Variants in CDH4 observed in about 807,000 individuals in gnomAD.
CDH4 encodes the protein cadherin 4, also known as cadherin-4.
In CDH4, 33 loss-of-function variants were observed where a neutral mutation model predicts 86.0. The ratio of observed to expected loss-of-function variants is 0.38; its 90% CI spans 0.29 to 0.51. The LOEUF (loss-of-function observed/expected upper bound fraction) is 0.51. Among genes scored for constraint, CDH4 ranks in the 20% least tolerant of loss-of-function variants. CDH4 has a pLI of 0.86. For synonymous variants in CDH4, 555 were observed against 549.4 expected, an observed-to-expected ratio of 1.01 and a Z score of -0.14; for missense variants, 1,114 against 1,307.4, an observed-to-expected ratio of 0.85 and a Z score of 2.28.
chr20:61,805,269 T>A (rs965575384), intron 4 of CDH4, among the ~76,000 whole-genome samples: 1 of 152,062 alleles, frequency 6.6e-6, no homozygotes, highest in African/African-American at 2.4e-5. Context: ...TCCCTAAGGA[T>A]CCCTGGGGTG....
chr20:61,573,089 G>T (rs2086356676), intron 2 of CDH4, among the ~76,000 whole-genome samples: 7 of 152,170 alleles, frequency 4.6e-5, no homozygotes, highest in Admixed American at 3.9e-4. Flanking sequence ...TGGATGGATG[G>T]TTGGACGGAT....
intron 2 of CDH4, among the ~76,000 whole-genome samples, chr20:61,303,043 A>G (rs1022896458): frequency 1.3e-5 from 2 of 152,144 alleles, no homozygotes; most frequent in Admixed American, 6.5e-5. Context: ...TGGCCCAGGG[A>G]AACCCATATC....
At chr20:61,711,154 C>T (rs67841147) in intron 2 of CDH4, among the ~76,000 whole-genome samples, 5 of 152,188 alleles carry the variant, frequency 3.3e-5, no homozygotes, top group South Asian at 4.1e-4. Context: ...ATATTGAGTG[C>T]GTTCTCATGA....
chr20:61,688,559 C>T (rs572457478), intron 2 of CDH4, among the ~76,000 whole-genome samples: 67 of 152,318 alleles, frequency 4.4e-4, no homozygotes, highest in Admixed American at 3.1e-3. Context: ...GGCCGCCTTC[C>T]GGAAGCACTG....
chr20:61,425,130 G>A (rs1008357347), intron 2 of CDH4, among the ~76,000 whole-genome samples: 3 of 152,182 alleles, frequency 2.0e-5, no homozygotes. Flanking sequence ...GTGTGGCTCC[G>A]CGAGCGCCTT....
chr20:61,755,194 C>G (rs1460864807), intron 3 of CDH4: 1 of 151,734 alleles, frequency 6.6e-6, no homozygotes, highest in African/African-American at 2.4e-5. Flanking sequence ...CTGGGTTCCT[C>G]CCACAACACG....
At chr20:61,869,335 C>G (rs1166052660) in intron 6 of CDH4, among the ~76,000 whole-genome samples, 1 of 152,212 alleles carries the variant, frequency 6.6e-6, no homozygotes, top group Non-Finnish European at 1.5e-5. Context: ...ACAGCCGTGC[C>G]CATTGCTGGA....
chr20:61,529,077 C>T (rs1453317153), intron 2 of CDH4, among the ~76,000 whole-genome samples: 1 of 152,162 alleles, frequency 6.6e-6, no homozygotes, highest in Non-Finnish European at 1.5e-5. Context: ...GGTTTCAAAT[C>T]CATAGGAAGG....
chr20:61,554,606 AC>A (rs1568890221), intron 2 of CDH4, among the ~76,000 whole-genome samples: 1 of 152,208 alleles, frequency 6.6e-6, no homozygotes, highest in Non-Finnish European at 1.5e-5. Context: ...ACAACAGGTC[AC>A]CCACAGACTC....
At chr20:61,854,740 T>C (rs1464728761) in intron 6 of CDH4, among the ~76,000 whole-genome samples, 472 of 44,688 alleles carry the variant, frequency 0.011, no homozygotes, top group Admixed American at 0.018. Context: ...CCTTGGTCCG[T>C]CCCCAGGGCT....
intron 2 of CDH4, among the ~76,000 whole-genome samples, chr20:61,299,713 C>T (rs4812292): frequency 0.55 from 83,930 of 151,984 alleles, 24,414 homozygotes; most frequent in Admixed American, 0.65. Flanking sequence ...GAAAGGCCTC[C>T]CTGCAGGCCG....
chr20:61,297,611 CG>C lies in CDH4; in HGVS notation c.169+42676del, dbSNP rs954897271. On this transcript the variant is annotated intron_variant, in intron 2 of 15. Transcript: ENST00000614565. ...AGCAGCTGTTTTTCCAAAGCCGGGGCGGTGCCTGGCACACAGTGGGCCCTTC... is the reference window on the plus strand; with the variant it reads ...AGCAGCTGTTTTTCCAAAGCCGGGGCGTGCCTGGCACACAGTGGGCCCTTC... Among the ~76,000 whole-genome samples the C allele has an allele frequency of 3.9e-5, 6 of 152,192 alleles. 1 individual carries two copies. The highest frequency in any genetic ancestry group is 9.7e-5 in the African/African-American group (4 of 41,442).
At chr20:61,383,881 ATGAATATG>A (rs2084936431) in intron 2 of CDH4, among the ~76,000 whole-genome samples, 3 of 150,518 alleles carry the variant, frequency 2.0e-5, no homozygotes, top group African/African-American at 7.4e-5. Flanking sequence ...ATGAAGATAT[ATGAATATG>A]TATGAGTTTA....
intron 2 of CDH4, chr20:61,718,589 G>A: frequency 2.8e-6 from 1 of 353,910 alleles, no homozygotes; most frequent in South Asian, 2.2e-5. Context: ...AGGCTCACAG[G>A]GCAGAGCGCT....
At position 61,921,748 on chromosome 20, in the gene CDH4, CAA is replaced by C. The variant is rs11468230; in HGVS notation, c.1375-1683_1375-1682del. The stretch of plus-strand genomic sequence containing the variant: ...GCCTGGCAATGGAGGAAGACTCTGT[CAA>C]AAAAAAAAAAAAAAAAAAATCAAAG... On this transcript the variant is annotated intron_variant, in intron 9 of 15. Coordinates refer to ENST00000614565, the MANE Select transcript of CDH4 (RefSeq NM_001794.5). Among the ~76,000 whole-genome samples the C allele has an allele frequency of 0.034, 4,580 of 134,524 alleles. 372 individuals carry two copies. The East Asian group carries it at 0.39, about 11-fold the overall frequency. The allele number at this position is 134,524 out of a possible 152,430, so 88.3% of individuals were successfully genotyped here.
At chr20:61,841,971 C>T (rs183104843) in intron 4 of CDH4, among the ~76,000 whole-genome samples, 1 of 152,344 alleles carries the variant, frequency 6.6e-6, no homozygotes, top group East Asian at 1.9e-4. Context: ...CTCACTCCTG[C>T]ACGTAGGAAC....
At chr20:61,669,476 C>T (rs1296620085) in intron 2 of CDH4, among the ~76,000 whole-genome samples, 1 of 152,234 alleles carries the variant, frequency 6.6e-6, no homozygotes, top group Non-Finnish European at 1.5e-5. Flanking sequence ...CTGAGGGTTT[C>T]AGCAGGAGTG....
chr20:61,910,486 G>A lies in CDH4; in HGVS notation c.1253G>A (p.Arg418Gln), dbSNP rs751782763. ...TVVANLTVMD[R>Q]DQPHSPNWNA... ...GTCGCAAACCTCACGGTGATGGACC[G>A]AGATCAGCCCCACTCTCCAAACTGG... The change falls in exon 9 of 16, where the codon CGA (arginine) becomes CAA (glutamine). Residue 418 changes from arginine to glutamine, a missense_variant. By Grantham distance (43) the Arg-to-Gln change is conservative (BLOSUM62 1). Coordinates refer to ENST00000614565, the MANE Select transcript of CDH4 (RefSeq NM_001794.5). The A allele has an allele frequency of 3.4e-5, 55 of 1,613,866 alleles. No homozygotes were observed. The Admixed American group carries it at 5.2e-4, about 15-fold the overall frequency.
intron 2 of CDH4, among the ~76,000 whole-genome samples, chr20:61,425,195 G>A (rs1424960291): frequency 6.6e-6 from 1 of 152,224 alleles, no homozygotes; most frequent in Non-Finnish European, 1.5e-5. Flanking sequence ...GCAGAGCTAG[G>A]TCCAGCCCGG....
Sources: gnomAD v4.1 joint callset for allele counts (sites outside exome capture counted in the v4.1 genomes callset) on GRCh38, gnomAD v4.1.1 for gene constraint, MANE v1.5 for transcripts, NCBI Gene and HGNC (gene_info 2026-07-23, HGNC 2026-07-21) for gene names.